The following NFATC2 variants were observed in gnomAD, a reference collection of about 807,000 sequenced individuals.
NFATC2 encodes nuclear factor of activated T cells 2.
A neutral mutation model predicts 87.3 loss-of-function variants in NFATC2; 22 were observed. That is an observed-to-expected ratio of 0.25 (90% CI 0.18 to 0.36). The LOEUF (loss-of-function observed/expected upper bound fraction) is 0.36, where lower values mean the gene tolerates loss of function less well. Among genes scored for constraint, NFATC2 ranks in the 10% least tolerant of loss-of-function variants. The pLI, the probability that NFATC2 is intolerant of heterozygous loss-of-function variation, is 1.00. For missense variants in NFATC2, 1,149 were observed against 1,259.1 expected, an observed-to-expected ratio of 0.91 and a Z score of 1.32; for synonymous variants, 565 against 542.2, an observed-to-expected ratio of 1.04 and a Z score of -0.58.
chr20:51,475,213 C>T (rs1287975499), intron 4 of NFATC2, among the ~76,000 whole-genome samples: 1 of 152,290 alleles, frequency 6.6e-6, no homozygotes, highest in East Asian at 1.9e-4. Context: ...AAGTGATCCA[C>T]CCGCCTCAGC....
intron 3 of NFATC2, among the ~76,000 whole-genome samples, chr20:51,505,551 C>T (rs1465265159): frequency 2.6e-5 from 4 of 151,704 alleles, no homozygotes; most frequent in East Asian, 3.9e-4. Context: ...TGAAATTTTT[C>T]GAACCTGTGC....
rs1377064240 is a variant in NFATC2 at position 51,458,233 on chromosome 20, TG to T, written c.1709-3546del. The stretch of plus-strand genomic sequence containing the variant: ...CCTTGACACTATTGCCATTTGGAGC[TG>T]GGTAATTCTTTGTTGTCAGCAGGCA... On this transcript the variant is annotated intron_variant, in intron 5 of 10. Transcript: ENST00000371564. 2.0e-5 allele frequency among the ~76,000 whole-genome samples: 3 copies of T among 152,314 alleles called. No individual in the cohort carries two copies. In the East Asian group the frequency reaches 5.8e-4, roughly 29 times the overall value.
intron 3 of NFATC2, among the ~76,000 whole-genome samples, chr20:51,504,325 G>A (rs1252315383): frequency 2.0e-5 from 3 of 152,072 alleles, no homozygotes; most frequent in Non-Finnish European, 4.4e-5. Flanking sequence ...CAGTAGAGCC[G>A]GGGTTTCATC....
chr20:51,403,148 G>T (rs1443763380), intron 9 of NFATC2, among the ~76,000 whole-genome samples: 8 of 152,134 alleles, frequency 5.3e-5, no homozygotes, highest in African/African-American at 1.9e-4. Flanking sequence ...CAAACCTTTG[G>T]ATCTATCTTT....
At chr20:51,507,185 C>A (rs750906825) in intron 3 of NFATC2, among the ~76,000 whole-genome samples, 21 of 152,332 alleles carry the variant, frequency 1.4e-4, no homozygotes, top group Middle Eastern at 3.4e-3. Context: ...AAGGCCAGGG[C>A]TTCATTGCTG....
rs1330396643 is a variant in NFATC2 at position 51,524,628 on chromosome 20, CAT to C, written c.131-520_131-519del. Among the ~76,000 whole-genome samples the C allele has an allele frequency of 3.2e-4, 49 of 152,138 alleles. No homozygotes were observed. The highest frequency in any genetic ancestry group is 3.1e-3 in the Admixed American group (48 of 15,276). On this transcript the variant is annotated intron_variant, in intron 1 of 10. Coordinates refer to ENST00000371564, the MANE Select transcript of NFATC2 (RefSeq NM_012340.5). This position sits in a 1 kb window ranked among gnomAD's most constrained non-coding sequence, Gnocchi z 4.0. ...AGGGCCTATGGCAGCACTCTACACA[CAT>C]GACGTGGACGCAGGACACAGAGGGA...
At chr20:51,404,032 G>A (rs965616190) in intron 9 of NFATC2, among the ~76,000 whole-genome samples, 1 of 152,178 alleles carries the variant, frequency 6.6e-6, no homozygotes, top group South Asian at 2.1e-4. Context: ...GTCCGTGGCA[G>A]GGGTTGAACA....
intron 9 of NFATC2, among the ~76,000 whole-genome samples, chr20:51,427,336 C>T (rs1199690015): frequency 1.3e-5 from 2 of 152,136 alleles, no homozygotes; most frequent in African/African-American, 2.4e-5. Context: ...CGCTTGCTTG[C>T]GTCCTGAGTG....
intron 1 of NFATC2, among the ~76,000 whole-genome samples, chr20:51,540,663 T>TTGTTTGTTTG (rs1555818356): frequency 1.5e-5 from 2 of 135,692 alleles, no homozygotes; most frequent in East Asian, 2.3e-4. Context: ...TTTTTGTTTT[T>TTGTTTGTTTG]TTTTTTTTGA....
chr20:51,456,859 G>A (rs1986590221), intron 5 of NFATC2, among the ~76,000 whole-genome samples: 1 of 152,274 alleles, frequency 6.6e-6, no homozygotes, highest in Non-Finnish European at 1.5e-5. Context: ...ACTCAATGGA[G>A]CAACGATGCA....
chr20:51,418,459 G>A (rs1980353637), intron 9 of NFATC2, among the ~76,000 whole-genome samples: 1 of 152,182 alleles, frequency 6.6e-6, no homozygotes, highest in Non-Finnish European at 1.5e-5. Flanking sequence ...CCTCACAACA[G>A]AGAATAATCC....
intron 10 of NFATC2, among the ~76,000 whole-genome samples, chr20:51,392,691 C>A (rs1986500488): frequency 1.3e-5 from 2 of 152,180 alleles, no homozygotes; most frequent in Admixed American, 1.3e-4. Context: ...ACACTGAATT[C>A]TTCCCACACC....
At chr20:51,408,348 T>C (rs1978652698) in intron 9 of NFATC2, among the ~76,000 whole-genome samples, 1 of 151,912 alleles carries the variant, frequency 6.6e-6, no homozygotes, top group African/African-American at 2.4e-5. Flanking sequence ...ACCCCATCTC[T>C]ACTAAAAATA....
At position 51,391,061 on chromosome 20, in the gene NFATC2, C is replaced by A; in HGVS notation, c.*435G>T. On this transcript the variant is annotated 3_prime_UTR_variant, in exon 11 of 11. Coordinates refer to ENST00000371564, the MANE Select transcript of NFATC2 (RefSeq NM_012340.5). The stretch of plus-strand genomic sequence containing the variant: ...ATCTTCTGTCCCCCGTCCATCCCCC[C>A]AAGCTCCAGTCACTCTGTTCTCAGG... 2.2e-6 allele frequency: 1 copy of A among 448,228 alleles called. No homozygotes were observed. The highest frequency in any genetic ancestry group is 2.0e-5 in the South Asian group (1 of 49,640). The allele number at this position is 448,228 out of a possible 1,614,324, so 27.8% of individuals were successfully genotyped here.
At chr20:51,484,045 T>C (rs73128876) in intron 3 of NFATC2, among the ~76,000 whole-genome samples, 12,660 of 151,952 alleles carry the variant, frequency 0.083, 623 homozygotes, top group Middle Eastern at 0.17. Flanking sequence ...TTACCATGAC[T>C]CAGAAGATCC....
intron 1 of NFATC2, among the ~76,000 whole-genome samples, chr20:51,531,346 C>T (rs143232341): frequency 1.4e-3 from 209 of 152,360 alleles, no homozygotes; most frequent in Non-Finnish European, 2.0e-3. Flanking sequence ...TGGCAGGTGA[C>T]GCTCATCTCT....
chr20:51,475,532 G>C lies in NFATC2; in HGVS notation c.1461C>G (p.Thr487=), dbSNP rs572182988. 2 of 1,614,086 alleles carry C rather than the reference G, an allele frequency of 1.2e-6. No homozygotes were observed. Among genetic ancestry groups the C allele is most frequent in the Non-Finnish European group, 1.7e-6 (2 of 1,180,016 alleles). ...HRITGKTVTT[T]SYEKIVGNTK... ...TGTTGCCCACTATCTTCTCATAGCT[G>C]GTGGTGGTGACAGTTTTCCCCGTGA... is the stretch of plus-strand genomic sequence containing the variant. The change falls in exon 4 of 11, where the codon ACC becomes ACG. Residue 487 remains threonine (T), a synonymous_variant. Coordinates refer to ENST00000371564, the MANE Select transcript of NFATC2 (RefSeq NM_012340.5).
At chr20:51,552,615 G>A (rs2076943637) in intron 1 of NFATC2, among the ~76,000 whole-genome samples, 1 of 152,012 alleles carries the variant, frequency 6.6e-6, no homozygotes, top group South Asian at 2.1e-4. Context: ...GGCACTGATG[G>A]CCATCAGTAC....
intron 9 of NFATC2, among the ~76,000 whole-genome samples, chr20:51,415,630 A>C (rs1600687837): frequency 6.6e-6 from 1 of 152,318 alleles, no homozygotes; most frequent in East Asian, 1.9e-4. Flanking sequence ...CTCTAAAGAT[A>C]CATTTCTAGA....
Sources: allele counts gnomAD v4.1 joint callset (sites outside exome capture counted in the v4.1 genomes callset), GRCh38; gene constraint gnomAD v4.1.1; non-coding constraint Gnocchi (gnomAD v3.1); transcripts MANE v1.5; gene names NCBI Gene and HGNC (gene_info 2026-07-23, HGNC 2026-07-21).